Variants in SRGAP3 observed in about 807,000 individuals in gnomAD.
SRGAP3 encodes the protein SLIT-ROBO Rho GTPase activating protein 3, also known as SLIT-ROBO Rho GTPase-activating protein 3.
In SRGAP3, 39 loss-of-function variants were observed where a neutral mutation model predicts 121.1. The ratio of observed to expected loss-of-function variants is 0.32; its 90% CI spans 0.25 to 0.42. SRGAP3 has a LOEUF of 0.42. Ranked by LOEUF, SRGAP3 falls within the 10% of genes least tolerant of loss-of-function variation. SRGAP3 has a pLI of 1.00. For synonymous variants in SRGAP3, 601 were observed against 570.0 expected (o/e 1.05, Z -0.77); for missense variants, 1,213 against 1,470.6 (o/e 0.82, Z 2.86).
At position 9,006,315 on chromosome 3, in the gene SRGAP3, G is replaced by A. The variant is rs796073767; in HGVS notation, c.2227+3993C>T. Among the ~76,000 whole-genome samples the A allele has an allele frequency of 7.2e-4, 108 of 150,930 alleles. 1 individual carries two copies. Among genetic ancestry groups the A allele is most frequent in the African/African-American group, 2.5e-3 (103 of 41,008 alleles). Reference sequence around the variant, plus strand: ...CTCCGGAGGCTGAGGCAGGAGAATCGCTTGAACCAGGGAGTCGGAGGCTGC... The same window carrying A: ...CTCCGGAGGCTGAGGCAGGAGAATCACTTGAACCAGGGAGTCGGAGGCTGC... On this transcript the variant is annotated intron_variant, in intron 18 of 21. Coordinates refer to ENST00000383836, the MANE Select transcript of SRGAP3 (RefSeq NM_014850.4).
At chr3:9,132,649 T>C (rs1157752863) in intron 1 of SRGAP3, among the ~76,000 whole-genome samples, 1 of 152,220 alleles carries the variant, frequency 6.6e-6, no homozygotes, top group Admixed American at 6.5e-5. Context: ...ACAGACTGTT[T>C]ATTCATTCCC....
intron 3 of SRGAP3, among the ~76,000 whole-genome samples, chr3:9,261,441 T>C (rs949225463): frequency 4.0e-5 from 6 of 151,260 alleles, no homozygotes; most frequent in African/African-American, 1.2e-4. Flanking sequence ...GCAAGGAAAC[T>C]AAGAACCTTG....
chr3:9,112,910 G>A (rs1386909209), intron 2 of SRGAP3, among the ~76,000 whole-genome samples: 1 of 152,214 alleles, frequency 6.6e-6, no homozygotes, highest in African/African-American at 2.4e-5. Context: ...AAATATTTGT[G>A]AGTAGGTGAA....
chr3:9,298,400 C>T (rs1954989680), intron 3 of SRGAP3, among the ~76,000 whole-genome samples: 1 of 152,174 alleles, frequency 6.6e-6, no homozygotes, highest in African/African-American at 2.4e-5. Flanking sequence ...CATAATTCAT[C>T]ATCATGTCTT....
At chr3:9,135,652 G>C (rs2664114) in intron 1 of SRGAP3, among the ~76,000 whole-genome samples, 114,079 of 152,242 alleles carry the variant, frequency 0.75, 43,158 homozygotes, top group African/African-American at 0.85. Flanking sequence ...AGGCAAGTAA[G>C]TATTCTTATC....
intron 1 of SRGAP3, among the ~76,000 whole-genome samples, chr3:9,196,001 T>C (rs1951905084): frequency 6.6e-6 from 1 of 152,122 alleles, no homozygotes; most frequent in Non-Finnish European, 1.5e-5. Context: ...AAAATACTTG[T>C]ACAGAGTGAA....
chr3:9,007,588 C>T (rs141536470), intron 18 of SRGAP3: 19 of 152,298 alleles, frequency 1.2e-4, no homozygotes, highest in African/African-American at 3.8e-4. Flanking sequence ...GTTTTTCTAT[C>T]AGGATTAGGA....
At chr3:9,155,595 G>T (rs1024607968) in intron 1 of SRGAP3, among the ~76,000 whole-genome samples, 4 of 151,766 alleles carry the variant, frequency 2.6e-5, no homozygotes, top group Non-Finnish European at 4.4e-5. Flanking sequence ...TCATTGCCCC[G>T]GGTTGGGTCT....
chr3:9,239,241 G>A lies in SRGAP3; in HGVS notation c.67+9644C>T, dbSNP rs1033658931. On this transcript the variant is annotated intron_variant, in intron 1 of 21. Coordinates refer to ENST00000383836, the MANE Select transcript of SRGAP3 (RefSeq NM_014850.4). This position sits in a 1 kb window ranked among gnomAD's most constrained non-coding sequence, Gnocchi z 4.0. ...CTAAAAATACAAAAATTAGCTGGAC[G>A]TAGTGGCTGGCACCTGTAATCCCAG... is the stretch of plus-strand genomic sequence containing the variant. 6.6e-6 allele frequency among the ~76,000 whole-genome samples: 1 copy of A among 152,064 alleles called. No homozygotes were observed. The highest frequency in any genetic ancestry group is 6.5e-5 in the Admixed American group (1 of 15,276).
At chr3:9,115,549 T>C (rs887104249) in intron 2 of SRGAP3, among the ~76,000 whole-genome samples, 5 of 151,962 alleles carry the variant, frequency 3.3e-5, no homozygotes, top group South Asian at 2.1e-4. Context: ...AAGAGCCAGA[T>C]GGAAACATTG....
At chr3:9,057,507 G>A (rs1945881180) in intron 7 of SRGAP3, among the ~76,000 whole-genome samples, 2 of 152,176 alleles carry the variant, frequency 1.3e-5, no homozygotes, top group Non-Finnish European at 2.9e-5. Flanking sequence ...CCATGCAGAG[G>A]GTCTAGCAAA....
chr3:9,275,767 A>C (rs1289191265), intron 3 of SRGAP3, among the ~76,000 whole-genome samples: 2 of 152,058 alleles, frequency 1.3e-5, no homozygotes, highest in South Asian at 2.1e-4. Context: ...AGTCCATTCA[A>C]CCTCTTTTTC....
intron 18 of SRGAP3, among the ~76,000 whole-genome samples, chr3:8,995,079 G>A (rs1444912419): frequency 2.6e-5 from 4 of 152,130 alleles, no homozygotes; most frequent in Non-Finnish European, 4.4e-5. Flanking sequence ...CACCCACAAC[G>A]TGACTGTATT....
At chr3:9,221,297 G>A (rs1428175198) in intron 1 of SRGAP3, among the ~76,000 whole-genome samples, 4 of 152,328 alleles carry the variant, frequency 2.6e-5, no homozygotes, top group Admixed American at 2.6e-4. Context: ...TTGGGAGGCT[G>A]AGGCAGGAGG....
intron 1 of SRGAP3, among the ~76,000 whole-genome samples, chr3:9,172,267 A>AT (rs1335249159): frequency 1.3e-5 from 2 of 151,166 alleles, no homozygotes; most frequent in Non-Finnish European, 2.9e-5. Context: ...CTAATGGCTA[A>AT]TTTTTTTGTA....
At chr3:9,052,653 C>T (rs146000109) in intron 9 of SRGAP3, among the ~76,000 whole-genome samples, 446 of 152,308 alleles carry the variant, frequency 2.9e-3, no homozygotes, top group Non-Finnish European at 5.4e-3. Context: ...CCAAAGCTCA[C>T]ACCTAAATTT....
chr3:9,148,390 G>C (rs909275429), intron 1 of SRGAP3, among the ~76,000 whole-genome samples: 1 of 152,160 alleles, frequency 6.6e-6, no homozygotes, highest in African/African-American at 2.4e-5. Flanking sequence ...AGAACATCTA[G>C]GAAGTCTTGT....
At chr3:9,127,576 T>G (rs1949284387) in intron 1 of SRGAP3, among the ~76,000 whole-genome samples, 2 of 152,150 alleles carry the variant, frequency 1.3e-5, no homozygotes, top group East Asian at 1.9e-4. Context: ...GTCTCTAGAG[T>G]AGCTGGGACG....
chr3:9,302,095 G>C (rs560901607), intron 3 of SRGAP3, among the ~76,000 whole-genome samples: 1 of 152,260 alleles, frequency 6.6e-6, no homozygotes, highest in African/African-American at 2.4e-5. Flanking sequence ...CCTTATGTAC[G>C]TTCACCGAGT....
Sources: gnomAD v4.1 joint callset for allele counts (sites outside exome capture counted in the v4.1 genomes callset) on GRCh38, gnomAD v4.1.1 for gene constraint, Gnocchi (gnomAD v3.1) non-coding constraint, MANE v1.5 for transcripts, NCBI Gene and HGNC (gene_info 2026-07-23, HGNC 2026-07-21) for gene names.